Variants in SPOCK1 observed in about 807,000 individuals in gnomAD.
SPOCK1 encodes the protein testican-1.
Under a neutral mutation model 55.3 loss-of-function variants are expected in SPOCK1, and 23 were observed. That is an observed-to-expected ratio of 0.42 (90% confidence interval 0.30 to 0.59). The LOEUF (loss-of-function observed/expected upper bound fraction) is 0.59. Ranked by LOEUF, SPOCK1 falls within the 20% of genes least tolerant of loss-of-function variation. The pLI is 0.22. For missense variants in SPOCK1, 499 were observed against 552.5 expected, an observed-to-expected ratio of 0.90 and a Z score of 0.97; for synonymous variants, 226 against 221.0, an observed-to-expected ratio of 1.02 and a Z score of -0.20.
intron 2 of SPOCK1, among the ~76,000 whole-genome samples, chr5:137,401,665 A>G (rs941790839): frequency 1.3e-5 from 2 of 152,194 alleles, no homozygotes; most frequent in South Asian, 4.2e-4. Context: ...GGATCACTTG[A>G]GTCCAGGAGT....
intron 2 of SPOCK1, among the ~76,000 whole-genome samples, chr5:137,301,507 C>G (rs753456867): frequency 1.3e-5 from 2 of 152,120 alleles, no homozygotes; most frequent in Non-Finnish European, 2.9e-5. Flanking sequence ...CAACAGTTCC[C>G]CTTGGCCTAC....
At chr5:137,431,449 G>A (rs1169770683) in intron 2 of SPOCK1, among the ~76,000 whole-genome samples, 1 of 152,198 alleles carries the variant, frequency 6.6e-6, no homozygotes, top group Admixed American at 6.5e-5. Flanking sequence ...CTTGCTGTTA[G>A]GAATAAGTGA....
chr5:137,188,338 A>C (rs569196615), intron 3 of SPOCK1, among the ~76,000 whole-genome samples: 1 of 152,338 alleles, frequency 6.6e-6, no homozygotes, highest in African/African-American at 2.4e-5. Context: ...GGTTTGTGGC[A>C]ACCTGAGTTG....
At chr5:137,359,403 C>T (rs1320111216) in intron 2 of SPOCK1, among the ~76,000 whole-genome samples, 1 of 152,156 alleles carries the variant, frequency 6.6e-6, no homozygotes, top group Non-Finnish European at 1.5e-5. Context: ...CATACAAAAT[C>T]AATTAAGAGA....
intron 3 of SPOCK1, 139 bp from the exon 4 acceptor site, chr5:137,140,833 A>G: frequency 4.2e-6 from 2 of 479,674 alleles, no homozygotes; most frequent in Non-Finnish European, 6.8e-6. Flanking sequence ...ATCTCAGCTC[A>G]CTGCAACCTC....
intron 3 of SPOCK1, among the ~76,000 whole-genome samples, chr5:137,234,803 G>A (rs1306592766): frequency 2.6e-5 from 4 of 152,130 alleles, no homozygotes; most frequent in African/African-American, 9.7e-5. Context: ...CCAACTGATC[G>A]AAGTCTGGAG....
At chr5:137,359,068 G>A (rs1299895911) in intron 2 of SPOCK1, among the ~76,000 whole-genome samples, 1 of 152,168 alleles carries the variant, frequency 6.6e-6, no homozygotes, top group Non-Finnish European at 1.5e-5. Flanking sequence ...CGAGCCCACT[G>A]GGGAGTCTGT....
chr5:137,208,324 A>C (rs954446258), intron 3 of SPOCK1, among the ~76,000 whole-genome samples: 95 of 152,236 alleles, frequency 6.2e-4, no homozygotes, highest in African/African-American at 2.2e-3. Flanking sequence ...TGTGAACTGG[A>C]GGATGTTGTC....
chr5:136,981,237 T>A (rs750874817), intron 9 of SPOCK1, among the ~76,000 whole-genome samples: 2 of 152,240 alleles, frequency 1.3e-5, no homozygotes, highest in Non-Finnish European at 2.9e-5. Context: ...CTTCTATAAC[T>A]GAGCTTATAT....
chr5:137,379,423 G>C (rs1751408241), intron 2 of SPOCK1, among the ~76,000 whole-genome samples: 1 of 152,052 alleles, frequency 6.6e-6, no homozygotes, highest in African/African-American at 2.4e-5. Flanking sequence ...AAAAGTCCTG[G>C]GTAATATGCG....
intron 3 of SPOCK1, among the ~76,000 whole-genome samples, chr5:137,161,498 C>T (rs1011639918): frequency 6.6e-6 from 1 of 152,050 alleles, no homozygotes; most frequent in African/African-American, 2.4e-5. Flanking sequence ...GAAGTAATTG[C>T]TTAGGCTATA....
At chr5:137,129,920 A>C (rs1753842399) in intron 4 of SPOCK1, among the ~76,000 whole-genome samples, 2 of 152,188 alleles carry the variant, frequency 1.3e-5, no homozygotes, top group South Asian at 2.1e-4. Flanking sequence ...CATTAGACTC[A>C]CAAAGGTGGT....
At chr5:136,979,225 T>C in intron 10 of SPOCK1, 107 bp downstream of exon 10, 2 of 1,473,092 alleles carry the variant, frequency 1.4e-6, no homozygotes, top group South Asian at 2.6e-5. Context: ...ATAAACTTAA[T>C]GTATACTGGA....
intron 2 of SPOCK1, among the ~76,000 whole-genome samples, chr5:137,398,491 G>A (rs1751904106): frequency 6.6e-6 from 1 of 152,114 alleles, no homozygotes; most frequent in African/African-American, 2.4e-5. Flanking sequence ...TAACAAGTTT[G>A]AAATATTTGC....
rs117076448 is a variant in SPOCK1, at chr5:137,405,914, C to T, written c.186+92459G>A. 1.9e-4 allele frequency among the ~76,000 whole-genome samples: 29 copies of T among 152,288 alleles called. 1 individual carries two copies. The East Asian group carries it at 5.6e-3, about 29-fold the overall frequency. ...CTTCCTGCAATGGCCGAGTCTCCAC[C>T]TCTCCTCTGTTCACCCATTTGGCCC... On this transcript the variant is annotated intron_variant, in intron 2 of 10. Coordinates refer to ENST00000394945, the MANE Select transcript of SPOCK1 (RefSeq NM_004598.4).
Position 137,498,494 on chromosome 5 carries a change from C to A in SPOCK1, c.65G>T (p.Arg22Leu). 6.3e-7 allele frequency: 1 copy of A among 1,588,824 alleles called. No homozygotes were observed. The highest frequency in any genetic ancestry group is 1.1e-5 in the South Asian group (1 of 88,182). The change falls in exon 2 of 11, where the codon CGG becomes CTG. Residue 22 changes from arginine (R) to leucine (L), a missense_variant. Arg to Leu is a moderately radical substitution (Grantham distance 102). This residue lies in a region of SPOCK1 where 386 missense variants were observed against 400.6 expected (regional missense o/e 0.96). Transcript: ENST00000394945. ...AAWCFLQVES[R>L]HLDALAGGAG... Reference sequence around the variant, plus strand: ...GCCTCCGGCGAGCGCGTCCAGGTGCCGGCTCTCGACTTGGAGGAAGCACCA... The same window carrying A: ...GCCTCCGGCGAGCGCGTCCAGGTGCAGGCTCTCGACTTGGAGGAAGCACCA...
At position 136,978,724 on chromosome 5, in the gene SPOCK1, G is replaced by T. The variant is rs1750667197; in HGVS notation, c.1250C>A (p.Thr417Asn). 6.2e-7 allele frequency: 1 copy of T among 1,613,880 alleles called. No homozygotes were observed. The highest frequency in any genetic ancestry group is 8.5e-7 in the Non-Finnish European group (1 of 1,180,000). The part of the protein sequence containing the change: ...KDKEGKLRVH[T>N]RAVTEDDEDE... ...CTCATCATCCTCTGTCACGGCTCGG[G>T]TGTGCACCCTCAGCTTCCCCTCTTT... Residue 417 changes from threonine to asparagine, a missense_variant, in exon 11 of 11, where the codon ACC (threonine) becomes AAC (asparagine). By Grantham distance (65) the Thr-to-Asn change is moderately conservative. This residue lies in a region of SPOCK1 where 83 missense variants were observed against 87.5 expected (regional missense o/e 0.95). Coordinates refer to ENST00000394945, the MANE Select transcript of SPOCK1 (RefSeq NM_004598.4).
At chr5:137,092,475 T>C (rs1225041126) in intron 5 of SPOCK1, among the ~76,000 whole-genome samples, 4 of 152,216 alleles carry the variant, frequency 2.6e-5, no homozygotes, top group Non-Finnish European at 4.4e-5. Flanking sequence ...ACTTCTCTTA[T>C]GTAACTCTGT....
At chr5:137,084,483 G>A (rs1485787478) in intron 5 of SPOCK1, among the ~76,000 whole-genome samples, 1 of 151,944 alleles carries the variant, frequency 6.6e-6, no homozygotes, top group African/African-American at 2.4e-5. Context: ...GCCAGCCAGG[G>A]GCATTTCTAG....
Sources: gnomAD v4.1 joint callset for allele counts (sites outside exome capture counted in the v4.1 genomes callset) on GRCh38, gnomAD v4.1.1 for gene constraint, gnomAD v4.1.1 regional missense constraint, MANE v1.5 for transcripts, NCBI Gene and HGNC (gene_info 2026-07-23, HGNC 2026-07-21) for gene names.